The following LTBP1 variants were observed in gnomAD, a reference collection of about 807,000 sequenced individuals.
The protein encoded by LTBP1 is latent transforming growth factor beta binding protein 1.
In LTBP1, 129 loss-of-function variants were observed where a neutral mutation model predicts 207.6. That is an observed-to-expected ratio of 0.62 (90% CI 0.54 to 0.72). LTBP1 has a LOEUF of 0.72. Ranked by LOEUF, LTBP1 falls within the 30% of genes least tolerant of loss-of-function variation. LTBP1 has a pLI of 0.00. For missense variants in LTBP1, 2,281 were observed against 2,217.2 expected (o/e 1.03, Z -0.58); for synonymous variants, 963 against 833.7 (o/e 1.16, Z -2.67).
intron 22 of LTBP1, among the ~76,000 whole-genome samples, chr2:33,307,508 A>G (rs1419359391): frequency 6.6e-6 from 1 of 152,214 alleles, no homozygotes; most frequent in East Asian, 1.9e-4. Context: ...TCTCAAAACT[A>G]TTATGCCGAG....
intron 2 of LTBP1, among the ~76,000 whole-genome samples, chr2:32,977,515 C>T (rs544661053): frequency 1.3e-5 from 2 of 152,308 alleles, no homozygotes; most frequent in East Asian, 3.9e-4. Context: ...GGGGTTATGT[C>T]ACTGGTGCCA....
intron 3 of LTBP1, among the ~76,000 whole-genome samples, chr2:33,050,130 A>G (rs961308089): frequency 6.9e-6 from 1 of 144,606 alleles, no homozygotes; most frequent in African/African-American, 2.6e-5. Flanking sequence ...AGGCGTAAGC[A>G]TTTTTTTTTT....
At chr2:33,124,850 G>A (rs143433381) in intron 4 of LTBP1, among the ~76,000 whole-genome samples, 2 of 152,316 alleles carry the variant, frequency 1.3e-5, no homozygotes, top group African/African-American at 2.4e-5. Flanking sequence ...GTTGGATGGC[G>A]TTATTCTGAG....
At chr2:33,008,112 T>G (rs1179341968) in intron 2 of LTBP1, among the ~76,000 whole-genome samples, 2 of 152,244 alleles carry the variant, frequency 1.3e-5, no homozygotes, top group Non-Finnish European at 2.9e-5. Context: ...ATAAAGCTTA[T>G]TTTTTATTGC....
At chr2:33,075,811 C>G (rs2078049323) in intron 3 of LTBP1, among the ~76,000 whole-genome samples, 1 of 152,160 alleles carries the variant, frequency 6.6e-6, no homozygotes, top group African/African-American at 2.4e-5. Context: ...AAGTCACTTC[C>G]AGGTACTTGT....
intron 3 of LTBP1, among the ~76,000 whole-genome samples, chr2:33,027,208 C>G (rs538413527): frequency 2.0e-4 from 30 of 152,200 alleles, no homozygotes; most frequent in Non-Finnish European, 2.8e-4. Flanking sequence ...CTTTTTATCC[C>G]AGATTGACTA....
At chr2:33,170,373 G>A (rs1427323935) in intron 5 of LTBP1, among the ~76,000 whole-genome samples, 4 of 116,228 alleles carry the variant, frequency 3.4e-5, no homozygotes, top group Admixed American at 8.9e-5. Context: ...GGCTCAGAGG[G>A]TCCTACGCCC....
chr2:33,141,528 G>A (rs963559149), intron 5 of LTBP1, among the ~76,000 whole-genome samples: 8 of 152,102 alleles, frequency 5.3e-5, no homozygotes, highest in South Asian at 4.1e-4. Flanking sequence ...TGTAAGAAAC[G>A]TATATGAACT....
At chr2:33,292,126 T>C (rs970904914) in intron 19 of LTBP1, among the ~76,000 whole-genome samples, 1 of 152,242 alleles carries the variant, frequency 6.6e-6, no homozygotes, top group African/African-American at 2.4e-5. Flanking sequence ...TGACATACGG[T>C]GGACCTACCC....
chr2:33,209,890 G>T (rs10048782), intron 7 of LTBP1, among the ~76,000 whole-genome samples: 2,604 of 152,264 alleles, frequency 0.017, 77 homozygotes, highest in African/African-American at 0.059. Context: ...CCACTCAAGA[G>T]CTCCATGAAA....
chr2:33,282,464 G>C (rs2093579328), intron 19 of LTBP1, among the ~76,000 whole-genome samples: 2 of 152,138 alleles, frequency 1.3e-5, no homozygotes, highest in Admixed American at 6.6e-5. Flanking sequence ...TTTTATAGTA[G>C]TAGAGCTTTC....
intron 4 of LTBP1, among the ~76,000 whole-genome samples, chr2:33,133,505 A>G (rs1487824151): frequency 6.6e-6 from 1 of 152,140 alleles, no homozygotes; most frequent in African/African-American, 2.4e-5. Context: ...GGACCTGGCT[A>G]GGGGCCTATC....
chr2:33,038,873 G>T (rs2076051784), intron 3 of LTBP1, among the ~76,000 whole-genome samples: 1 of 152,210 alleles, frequency 6.6e-6, no homozygotes, highest in Non-Finnish European at 1.5e-5. Context: ...CCAGTGGCCA[G>T]TGAGCCTGGG....
intron 20 of LTBP1, among the ~76,000 whole-genome samples, chr2:33,299,582 A>T (rs1558971083): frequency 6.6e-6 from 1 of 152,190 alleles, no homozygotes; most frequent in Non-Finnish European, 1.5e-5. Context: ...ATGTTTTAAT[A>T]ATCATAAACT....
At chr2:33,328,888 A>G (rs1251167772) in intron 24 of LTBP1, among the ~76,000 whole-genome samples, 1 of 152,086 alleles carries the variant, frequency 6.6e-6, no homozygotes. Context: ...GCTATATAGT[A>G]TTTCATTGTA....
intron 3 of LTBP1, among the ~76,000 whole-genome samples, chr2:33,109,772 A>G (rs558672540): frequency 5.3e-5 from 8 of 152,346 alleles, no homozygotes; most frequent in African/African-American, 1.7e-4. Context: ...GGAAATTAAC[A>G]TTATTATGTT....
chr2:33,174,105 A>T (rs1409787729), intron 5 of LTBP1, among the ~76,000 whole-genome samples: 1 of 147,792 alleles, frequency 6.8e-6, no homozygotes, highest in South Asian at 2.2e-4. Flanking sequence ...CAAGACAGGG[A>T]TGCCCTCTCT....
chr2:33,186,365 G>A (rs1023910779), intron 5 of LTBP1, among the ~76,000 whole-genome samples: 1 of 152,062 alleles, frequency 6.6e-6, no homozygotes, highest in Non-Finnish European at 1.5e-5. Context: ...AATGAGGTGA[G>A]CAAATACTTA....
chr2:33,301,494 C>T (rs564141052), intron 21 of LTBP1, 28 bp from the exon 22 acceptor site: 1 of 1,546,890 alleles, frequency 6.5e-7, no homozygotes, highest in Non-Finnish European at 8.7e-7. Context: ...ACCACTTCCA[C>T]AGTTTCTTTG....
Sources: allele counts gnomAD v4.1 joint callset (sites outside exome capture counted in the v4.1 genomes callset), GRCh38; gene constraint gnomAD v4.1.1; transcripts MANE v1.5; gene names NCBI Gene and HGNC (gene_info 2026-07-23, HGNC 2026-07-21).